ABR: variants seen among roughly 807,000 people sequenced by gnomAD.
ABR encodes active breakpoint cluster region-related protein.
In ABR, 35 loss-of-function variants were observed where a neutral mutation model predicts 107.2. That is an observed-to-expected ratio of 0.33 (90% CI 0.25 to 0.43). The LOEUF (loss-of-function observed/expected upper bound fraction) is 0.43, where lower values mean the gene tolerates loss of function less well. ABR is among the 20% of genes least tolerant of loss of function. The pLI is 1.00. For missense variants in ABR, 815 were observed against 1,115.2 expected, an observed-to-expected ratio of 0.73 and a Z score of 3.83; for synonymous variants, 498 against 462.0, an observed-to-expected ratio of 1.08 and a Z score of -1.00.
intron 10 of ABR, among the ~76,000 whole-genome samples, chr17:1,066,293 T>C (rs962139422): frequency 9.9e-5 from 15 of 152,224 alleles, no homozygotes; most frequent in African/African-American, 3.6e-4. Flanking sequence ...TATTATAGGA[T>C]AAATGTGAAG....
intron 16 of ABR, among the ~76,000 whole-genome samples, chr17:1,028,125 C>CT (rs755509360): frequency 5.9e-5 from 9 of 152,140 alleles, no homozygotes; most frequent in Non-Finnish European, 8.8e-5. Flanking sequence ...GAGTCTCGCT[C>CT]TGTTGCCCAG....
intron 1 of ABR, among the ~76,000 whole-genome samples, chr17:1,151,877 G>A (rs1479693188): frequency 4.0e-5 from 6 of 151,586 alleles, no homozygotes; most frequent in Non-Finnish European, 2.9e-5. Flanking sequence ...AAAGTTAGCC[G>A]GGCGTGGTGA....
intron 13 of ABR, 75 bp from the exon 14 acceptor site, chr17:1,056,184 G>C: frequency 1.5e-6 from 2 of 1,294,278 alleles, no homozygotes; most frequent in South Asian, 2.4e-5. Context: ...GCCGGCGGGA[G>C]GCAGACGGGG....
chr17:1,124,139 A>AG (rs1451477442), intron 2 of ABR, among the ~76,000 whole-genome samples: 1 of 150,298 alleles, frequency 6.7e-6, no homozygotes, highest in South Asian at 2.1e-4. Context: ...GTGTGTGAAG[A>AG]GGGGTGAGAG....
chr17:1,190,195 A>T (rs1222586823), upstream of ABR, among the ~76,000 whole-genome samples: 1 of 152,214 alleles, frequency 6.6e-6, no homozygotes, highest in Non-Finnish European at 1.5e-5. Flanking sequence ...TTCAGCAGCC[A>T]GTATTGGAGG....
chr17:1,017,017 G>A (rs537272097), intron 16 of ABR, among the ~76,000 whole-genome samples: 8 of 152,050 alleles, frequency 5.3e-5, no homozygotes, highest in South Asian at 4.2e-4. Flanking sequence ...CCAAGCCTCC[G>A]ACGGGGTCTG....
intron 3 of ABR, among the ~76,000 whole-genome samples, chr17:1,095,934 T>C (rs2037392143): frequency 1.3e-5 from 2 of 152,190 alleles, no homozygotes. Flanking sequence ...GAGCCTGCGA[T>C]GCAGCGTGGC....
At chr17:1,141,444 C>T (rs936610806) in intron 1 of ABR, among the ~76,000 whole-genome samples, 3 of 152,168 alleles carry the variant, frequency 2.0e-5, no homozygotes, top group Admixed American at 6.5e-5. Flanking sequence ...CATTCAGAGC[C>T]TCAGTTTTCT....
intron 1 of ABR, among the ~76,000 whole-genome samples, chr17:1,178,700 G>C (rs1346451438): frequency 6.6e-6 from 1 of 152,136 alleles, no homozygotes; most frequent in Non-Finnish European, 1.5e-5. Flanking sequence ...GAGTGGGAGG[G>C]TCCCACTCAC....
At position 1,072,632 on chromosome 17, in the gene ABR, C is replaced by A. The variant is rs768654764; in HGVS notation, c.876G>T (p.Val292=). The part of the protein sequence containing the change: ...NEDIDPRRTA[V]TTPKGETRQL... ...AGCTCACCTCCCCCTTGGGCGTTGTCACTGCAGTCCGGCGGGGGTCGATGT... is the reference window on the plus strand; with the variant it reads ...AGCTCACCTCCCCCTTGGGCGTTGTAACTGCAGTCCGGCGGGGGTCGATGT... The change falls in exon 8 of 23, where the codon GTG becomes GTT. Residue 292 remains valine (V), a synonymous_variant. Coordinates refer to ENST00000302538, the MANE Select transcript of ABR (RefSeq NM_021962.5). 5 of 1,609,346 alleles carry A rather than the reference C, an allele frequency of 3.1e-6. No individual in the cohort carries two copies. The highest frequency in any genetic ancestry group is 4.2e-6 in the Non-Finnish European group (5 of 1,178,170).
intron 3 of ABR, among the ~76,000 whole-genome samples, chr17:1,094,477 T>G (rs1567743395): frequency 6.6e-6 from 1 of 151,892 alleles, no homozygotes; most frequent in Non-Finnish European, 1.5e-5. Flanking sequence ...TTCAAGCGAT[T>G]CTCCTGCCTC....
At chr17:1,074,390 C>G (rs1211464093) in intron 6 of ABR, among the ~76,000 whole-genome samples, 1 of 151,694 alleles carries the variant, frequency 6.6e-6, no homozygotes, top group African/African-American at 2.4e-5. Flanking sequence ...CAGAGTCCAG[C>G]ATACCTGCCA....
At chr17:1,124,814 G>A (rs982047470) in intron 2 of ABR, among the ~76,000 whole-genome samples, 1 of 152,176 alleles carries the variant, frequency 6.6e-6, no homozygotes, top group South Asian at 2.1e-4. Flanking sequence ...CACGGGCCAC[G>A]CATGCAGCCA....
At chr17:1,193,274 C>G (rs905920528) in intron 1 of ABR, among the ~76,000 whole-genome samples, 10 of 144,564 alleles carry the variant, frequency 6.9e-5, no homozygotes, top group South Asian at 2.2e-4. Flanking sequence ...GACACCCCCT[C>G]CCCCTCAATA....
chr17:1,133,478 T>C (rs959869054), intron 1 of ABR, among the ~76,000 whole-genome samples: 1 of 152,152 alleles, frequency 6.6e-6, no homozygotes, highest in Non-Finnish European at 1.5e-5. Context: ...TTCTACAAGA[T>C]GGGCTGCTAT....
At chr17:1,048,098 A>G (rs2031907108) in intron 16 of ABR, among the ~76,000 whole-genome samples, 3 of 152,122 alleles carry the variant, frequency 2.0e-5, no homozygotes, top group Admixed American at 2.0e-4. Flanking sequence ...GCCCAGGGAC[A>G]GGGAGATGGG....
intron 1 of ABR, among the ~76,000 whole-genome samples, chr17:1,155,608 CAA>C (rs749083453): frequency 3.3e-5 from 5 of 152,088 alleles, no homozygotes; most frequent in Non-Finnish European, 7.4e-5. Context: ...AGTGAAAAGA[CAA>C]TGTGCAGAGG....
chr17:1,067,851 T>C (rs1426217233), intron 9 of ABR, among the ~76,000 whole-genome samples: 1 of 152,376 alleles, frequency 6.6e-6, no homozygotes, highest in East Asian at 1.9e-4. Context: ...CATGTGTGCT[T>C]ATTATTGCCA....
chr17:1,031,547 CGCAGCGCCCCCG>C, intron 16 of ABR: 1 of 720,406 alleles, frequency 1.4e-6, no homozygotes. Flanking sequence ...CCCCGAGCCC[CGCAGCGCCCCCG>C]AGCCCCCACC....
Sources: gnomAD v4.1 joint callset for allele counts (sites outside exome capture counted in the v4.1 genomes callset) on GRCh38, gnomAD v4.1.1 for gene constraint, MANE v1.5 for transcripts, NCBI Gene and HGNC (gene_info 2026-07-23, HGNC 2026-07-21) for gene names.